Variants in MYO19 observed in about 807,000 individuals in gnomAD.
MYO19 encodes unconventional myosin-XIX.
In MYO19, 132 loss-of-function variants were observed where a neutral mutation model predicts 129.2. The ratio of observed to expected loss-of-function variants is 1.02; its 90% CI spans 0.89 to 1.18. The LOEUF is 1.18. Ranked by LOEUF, MYO19 falls within the 50% of genes most tolerant of loss-of-function variation. The probability of loss-of-function intolerance (pLI) is 0.00; values close to 1 mark genes in which losing one functional copy is unlikely to be tolerated. For synonymous variants in MYO19, 531 were observed against 477.2 expected, an observed-to-expected ratio of 1.11 and a Z score of -1.47; for missense variants, 1,210 against 1,216.7, an observed-to-expected ratio of 0.99 and a Z score of 0.08.
chr17:36,538,635 A>T, upstream of MYO19: 1 of 1,526,882 alleles, frequency 6.5e-7, no homozygotes. Context: ...AGTAGGATAT[A>T]TAAGTATTTG....
At chr17:36,527,194 T>A (rs976125550) in intron 5 of MYO19, among the ~76,000 whole-genome samples, 1 of 151,606 alleles carries the variant, frequency 6.6e-6, no homozygotes. Flanking sequence ...AAATAAATAA[T>A]AATAAAAAAT....
upstream of MYO19, chr17:36,537,469 C>G: frequency 6.2e-7 from 1 of 1,614,150 alleles, no homozygotes; most frequent in South Asian, 1.1e-5. Flanking sequence ...AGTCTAGAAT[C>G]AGAATACAAT....
Position 36,513,433 on chromosome 17 carries a change from A to G in MYO19, c.890T>C (p.Phe297Ser), listed in dbSNP as rs2072509177. The G allele has an allele frequency of 5.6e-6, 9 of 1,614,042 alleles. No individual in the cohort carries two copies. The highest frequency in any genetic ancestry group is 7.6e-6 in the Non-Finnish European group (9 of 1,179,900). ...TGGCGTGGCTTTTCTTCTGACCTTA[A>G]AGATGTTGTTCTGGGTAGGGGTGTC... ...GIDTPTQNNI[F>S]KVLAGLLHLG... is the part of the protein sequence containing the mutation. The change falls in exon 11 of 26, where the codon TTT (phenylalanine) becomes TCT (serine). Residue 297 changes from phenylalanine (F) to serine (S), a missense_variant. Phe to Ser is a radical substitution (Grantham distance 155, BLOSUM62 -2). Coordinates refer to ENST00000614623, the MANE Select transcript of MYO19 (RefSeq NM_001163735.2).
At chr17:36,498,770 T>C in intron 24 of MYO19, 1 of 605,232 alleles carries the variant, frequency 1.7e-6, no homozygotes, top group Non-Finnish European at 2.9e-6. Context: ...ATATGCTACT[T>C]GAAAACAAGA....
intron 2 of MYO19, among the ~76,000 whole-genome samples, chr17:36,532,890 GGGTTA>G (rs2073909465): frequency 6.6e-6 from 1 of 152,176 alleles, no homozygotes; most frequent in African/African-American, 2.4e-5. Flanking sequence ...TTTTATTACA[GGGTTA>G]GGGTTTGGGT....
At chr17:36,539,474 A>G (rs960618709), upstream of MYO19, among the ~76,000 whole-genome samples, 5 of 152,114 alleles carry the variant, frequency 3.3e-5, no homozygotes, top group African/African-American at 1.2e-4. Flanking sequence ...AGTTAAATGC[A>G]CCAAAGAATA....
upstream of MYO19, among the ~76,000 whole-genome samples, chr17:36,536,524 C>CTTTTTTTTT (rs10715370): frequency 8.0e-6 from 1 of 125,532 alleles, no homozygotes; most frequent in Non-Finnish European, 1.6e-5. Context: ...TTTTCTTTTC[C>CTTTTTTTTT]TTTTTTTTTT....
chr17:36,517,631 C>T (rs1031792519), intron 6 of MYO19, among the ~76,000 whole-genome samples: 2 of 152,102 alleles, frequency 1.3e-5, no homozygotes, highest in African/African-American at 4.8e-5. Flanking sequence ...TTCATCTTTA[C>T]TTTTTCCCTT....
rs192011353 is a variant in MYO19 at position 36,512,314 on chromosome 17, G to C, written c.895-859C>G. ...TGAGGTAGGAGAATCACTTGAACCC[G>C]GGAAGAGGAGGTTGCAGTGAGCTGA... On this transcript the variant is annotated intron_variant, in intron 11 of 25. Coordinates refer to ENST00000614623, the MANE Select transcript of MYO19 (RefSeq NM_001163735.2). Among the ~76,000 whole-genome samples the C allele has an allele frequency of 5.0e-4, 76 of 151,302 alleles. 2 individuals are homozygous for C. In the East Asian group the frequency reaches 0.012, roughly 25 times the overall value.
chr17:36,497,468 C>T (rs1334929345), intron 25 of MYO19: 2 of 881,494 alleles, frequency 2.3e-6, no homozygotes, highest in African/African-American at 3.6e-5. Flanking sequence ...CCTCACAACC[C>T]AAGTTGTGAT....
At chr17:36,514,799 C>T (rs896332499) in intron 8 of MYO19, among the ~76,000 whole-genome samples, 3 of 152,274 alleles carry the variant, frequency 2.0e-5, no homozygotes, top group Middle Eastern at 3.4e-3. Context: ...AGACAGGAGT[C>T]GAAGTCTCAG....
chr17:36,538,470 A>G (rs2142622297), upstream of MYO19: 2 of 1,614,164 alleles, frequency 1.2e-6, no homozygotes, highest in Non-Finnish European at 1.7e-6. Context: ...GCTGTCAAAT[A>G]TAACAACTGG....
chr17:36,498,667 G>A (rs1408555249), intron 24 of MYO19, 108 bp from the exon 25 acceptor site: 1 of 1,311,716 alleles, frequency 7.6e-7, no homozygotes, highest in African/African-American at 1.5e-5. Flanking sequence ...GTGAACTGAA[G>A]GCACCTGGTT....
At chr17:36,522,444 A>C (rs1692755684) in intron 6 of MYO19, among the ~76,000 whole-genome samples, 1 of 151,634 alleles carries the variant, frequency 6.6e-6, no homozygotes, top group African/African-American at 2.4e-5. Context: ...CAGGAGGCGG[A>C]GGTTGCAGTG....
chr17:36,514,865 G>A (rs4796227), intron 8 of MYO19, among the ~76,000 whole-genome samples: 3,945 of 152,316 alleles, frequency 0.026, 151 homozygotes, highest in African/African-American at 0.089. Flanking sequence ...AAGTCCCTGA[G>A]CAAGAGTAAA....
chr17:36,510,904 C>T lies in MYO19; in HGVS notation c.999G>A (p.Thr333=), dbSNP rs372679972. 2.2e-5 allele frequency: 35 copies of T among 1,576,958 alleles called. No homozygotes were observed. The highest frequency in any genetic ancestry group is 9.3e-5 in the East Asian group (4 of 42,884). ...PMDDAKYSVR[T]AASLLGLPED... is the part of the protein sequence containing the mutation. Reference sequence around the variant, plus strand: ...CTGGGAGCCCCAGCAGCGAGGCTGCCGTCCTGACAGAGTCTGGGAGGGGCA... The same window carrying T: ...CTGGGAGCCCCAGCAGCGAGGCTGCTGTCCTGACAGAGTCTGGGAGGGGCA... Residue 333 remains threonine (T), a synonymous_variant, in exon 13 of 26, where the codon ACG becomes ACA. Coordinates refer to ENST00000614623, the MANE Select transcript of MYO19 (RefSeq NM_001163735.2).
chr17:36,518,546 A>ATATATATG (rs1198242308), intron 6 of MYO19, among the ~76,000 whole-genome samples: 1 of 108,130 alleles, frequency 9.2e-6, no homozygotes, highest in African/African-American at 3.6e-5. Flanking sequence ...ATATATATAT[A>ATATATATG]TATATATGTG....
chr17:36,531,884 A>G (rs1273775742), intron 3 of MYO19, among the ~76,000 whole-genome samples: 1 of 152,190 alleles, frequency 6.6e-6, no homozygotes, highest in East Asian at 1.9e-4. Flanking sequence ...GTAAAATAAA[A>G]AGTCAGCAAA....
At chr17:36,512,641 T>C in intron 11 of MYO19, 1 of 1,288,786 alleles carries the variant, frequency 7.8e-7, no homozygotes, top group Non-Finnish European at 1.0e-6. Context: ...GGTACTGTCC[T>C]TCTGTCAAGT....
Sources: allele counts gnomAD v4.1 joint callset (sites outside exome capture counted in the v4.1 genomes callset), GRCh38; gene constraint gnomAD v4.1.1; transcripts MANE v1.5; gene names NCBI Gene and HGNC (gene_info 2026-07-23, HGNC 2026-07-21).